The following TENM2 variants were observed in gnomAD, a reference collection of about 807,000 sequenced individuals.
TENM2 encodes teneurin transmembrane protein 2.
Under a neutral mutation model 245.2 loss-of-function variants are expected in TENM2, and 52 were observed. The observed-to-expected ratio is 0.21, with a 90% confidence interval of 0.17 to 0.27. The LOEUF is 0.27. Ranked by LOEUF, TENM2 falls within the 10% of genes least tolerant of loss-of-function variation. The pLI, the probability that TENM2 is intolerant of heterozygous loss-of-function variation, is 1.00. For synonymous variants in TENM2, 1,363 were observed against 1,438.9 expected (o/e 0.95, Z 1.19); for missense variants, 3,046 against 3,666.8 (o/e 0.83, Z 4.37).
At chr5:167,347,270 A>T (rs901640606) in intron 1 of TENM2, among the ~76,000 whole-genome samples, 1 of 152,132 alleles carries the variant, frequency 6.6e-6, no homozygotes. Flanking sequence ...GTGCTTTGCT[A>T]TGGTAGAAGG....
chr5:167,791,225 T>C (rs1054150347), intron 2 of TENM2, among the ~76,000 whole-genome samples: 9 of 151,954 alleles, frequency 5.9e-5, no homozygotes, highest in African/African-American at 2.2e-4. Flanking sequence ...TGTATACTTT[T>C]GATTTCTCTC....
chr5:167,933,814 C>G (rs955930286), intron 3 of TENM2, among the ~76,000 whole-genome samples: 1 of 152,186 alleles, frequency 6.6e-6, no homozygotes, highest in Non-Finnish European at 1.5e-5. Context: ...TAATGGGTAT[C>G]TCCTTCCACC....
At chr5:167,457,117 C>T (rs1052779856) in intron 2 of TENM2, among the ~76,000 whole-genome samples, 2 of 152,082 alleles carry the variant, frequency 1.3e-5, no homozygotes, top group African/African-American at 2.4e-5. Flanking sequence ...ACATTCTCTC[C>T]TCTCTCCTTT....
intron 2 of TENM2, among the ~76,000 whole-genome samples, chr5:167,496,959 G>C (rs1373955816): frequency 6.6e-6 from 1 of 151,732 alleles, no homozygotes; most frequent in Non-Finnish European, 1.5e-5. Flanking sequence ...TCTATCAAAA[G>C]TATTTGCATA....
chr5:168,078,506 T>C lies in TENM2; in HGVS notation c.1516-12068T>C, dbSNP rs573376730. 1.2e-4 allele frequency among the ~76,000 whole-genome samples: 19 copies of C among 152,354 alleles called. No homozygotes were observed. In the South Asian group the frequency reaches 3.9e-3, roughly 32 times the overall value. ...GTTTCAGTCGTGAAGCCCTTGCCCA[T>C]GCCTATGGCCTGAATGGTATTGCCT... On this transcript the variant is annotated intron_variant, in intron 7 of 28. Coordinates refer to ENST00000518659, the Ensembl canonical transcript of TENM2.
intron 2 of TENM2, among the ~76,000 whole-genome samples, chr5:167,656,151 C>T (rs1434143586): frequency 1.3e-5 from 2 of 152,096 alleles, no homozygotes; most frequent in Non-Finnish European, 2.9e-5. Flanking sequence ...CATCTTTTAA[C>T]ACTCTAACAA....
chr5:168,036,934 A>G (rs558062103), intron 5 of TENM2, among the ~76,000 whole-genome samples: 4 of 151,934 alleles, frequency 2.6e-5, no homozygotes, highest in African/African-American at 9.7e-5. Flanking sequence ...CTCTTTCCTC[A>G]TAAGAAGCTG....
At chr5:167,728,739 C>T (rs1760214208) in intron 2 of TENM2, 1 of 152,810 alleles carries the variant, frequency 6.5e-6, no homozygotes, top group African/African-American at 2.4e-5. Flanking sequence ...TCCCCCTACA[C>T]CCCCCAACAA....
At chr5:167,833,797 T>A (rs942699848) in intron 2 of TENM2, among the ~76,000 whole-genome samples, 3 of 152,162 alleles carry the variant, frequency 2.0e-5, no homozygotes, top group Admixed American at 6.5e-5. Flanking sequence ...AGCAACAGAG[T>A]AAAGAAGGTT....
chr5:167,018,044 A>C, the TENM2 span, among the ~76,000 whole-genome samples: 1 of 152,224 alleles, frequency 6.6e-6, no homozygotes, highest in African/African-American at 2.4e-5. Flanking sequence ...AACATTGAAT[A>C]GTCCTTTAGG....
chr5:167,816,844 G>A (rs1479477452), intron 2 of TENM2, among the ~76,000 whole-genome samples: 1 of 98,712 alleles, frequency 1.0e-5, no homozygotes, highest in Non-Finnish European at 3.0e-5. Context: ...CACCTTGTAA[G>A]GCAAGAAATG....
chr5:167,182,277 A>G, the TENM2 span, among the ~76,000 whole-genome samples: 1 of 152,124 alleles, frequency 6.6e-6, no homozygotes, highest in Non-Finnish European at 1.5e-5. Flanking sequence ...AATCCAATTG[A>G]GTAAATGTGA....
At chr5:167,945,839 G>C (rs149789220) in intron 3 of TENM2, among the ~76,000 whole-genome samples, 153 of 152,290 alleles carry the variant, frequency 1.0e-3, no homozygotes, top group African/African-American at 3.5e-3. Flanking sequence ...CCTGATACAG[G>C]CCTGTGCAAC....
chr5:167,151,050 C>A, the TENM2 span, among the ~76,000 whole-genome samples: 2 of 152,162 alleles, frequency 1.3e-5, no homozygotes, highest in African/African-American at 2.4e-5. Context: ...CCTCTCCTGG[C>A]TTTTCTCAGT....
chr5:167,498,750 C>T (rs975869972), intron 2 of TENM2, among the ~76,000 whole-genome samples: 8 of 152,100 alleles, frequency 5.3e-5, no homozygotes, highest in African/African-American at 1.9e-4. Context: ...AAAAAATACA[C>T]TTTTCATGCT....
At chr5:167,674,365 T>C (rs1756166577) in intron 2 of TENM2, among the ~76,000 whole-genome samples, 1 of 152,110 alleles carries the variant, frequency 6.6e-6, no homozygotes, top group Non-Finnish European at 1.5e-5. Context: ...GGTGCTCACC[T>C]TTGATTTGGT....
intron 2 of TENM2, among the ~76,000 whole-genome samples, chr5:167,619,143 T>A (rs1046449961): frequency 1.3e-5 from 2 of 152,124 alleles, no homozygotes; most frequent in Non-Finnish European, 2.9e-5. Flanking sequence ...TTTCTTTTGC[T>A]TGGTTTTTGT....
At chr5:168,071,717 C>T (rs1474864853) in intron 7 of TENM2, among the ~76,000 whole-genome samples, 1 of 151,902 alleles carries the variant, frequency 6.6e-6, no homozygotes, top group Non-Finnish European at 1.5e-5. Flanking sequence ...TAATAATTTC[C>T]TTGTGATGAA....
chr5:167,683,169 G>T lies in TENM2; in HGVS notation c.503-192817G>T, dbSNP rs184978447. On this transcript the variant is annotated intron_variant, in intron 2 of 28. Coordinates refer to ENST00000518659, the Ensembl canonical transcript of TENM2. ...ATTTCTTTCACAGCAATTATAATCT[G>T]TATTAATTGTGTACATTTGTTTGAG... Among the ~76,000 whole-genome samples the T allele has an allele frequency of 2.3e-3, 343 of 151,500 alleles. 2 individuals carry two copies. Among genetic ancestry groups the T allele is most frequent in the African/African-American group, 7.5e-3 (310 of 41,256 alleles).
Sources: allele counts gnomAD v4.1 joint callset (sites outside exome capture counted in the v4.1 genomes callset), GRCh38; gene constraint gnomAD v4.1.1; transcripts MANE v1.5; gene names NCBI Gene and HGNC (gene_info 2026-07-23, HGNC 2026-07-21).